The following CSMD1 variants were observed in gnomAD, a reference collection of about 807,000 sequenced individuals.
The protein encoded by CSMD1 is CUB and Sushi multiple domains 1, also known as CUB and sushi domain-containing protein 1.
Under a neutral mutation model 417.5 loss-of-function variants are expected in CSMD1, and 213 were observed. The observed-to-expected ratio is 0.51, with a 90% CI of 0.46 to 0.57. The LOEUF is 0.57. CSMD1 is among the 20% of genes least tolerant of loss of function. The pLI, the probability that CSMD1 is intolerant of heterozygous loss-of-function variation, is 0.00. For missense variants in CSMD1, 6,923 were observed against 4,529.7 expected (o/e 1.53, Z -15.17); for synonymous variants, 2,862 against 1,736.8 (o/e 1.65, Z -16.11).
rs114728997 is a variant in CSMD1 at position 4,086,008 on chromosome 8, G to C, written c.416-53909C>G. ...AACTGTAATTAAAAGAAGGAGCAAG[G>C]ACTAACAAAGGTGTGGTCCTGTTTT... On this transcript the variant is annotated intron_variant, in intron 3 of 69. Transcript: ENST00000635120. Among the ~76,000 whole-genome samples, 638 of 152,158 alleles carry C rather than the reference G, an allele frequency of 4.2e-3. 2 individuals are homozygous for C. Among genetic ancestry groups the C allele is most frequent in the African/African-American group, 0.015 (618 of 41,508 alleles).
At chr8:4,978,641 T>C (rs548084419) in intron 1 of CSMD1, among the ~76,000 whole-genome samples, 21 of 152,130 alleles carry the variant, frequency 1.4e-4, no homozygotes, top group Admixed American at 5.9e-4. Flanking sequence ...AAGTAAGCAG[T>C]TAGAAAAATA....
In CSMD1 at chr8:3,792,821, T is replaced by C. The variant is rs1021909906; in HGVS notation, c.819-38779A>G. ...ATATTGATAATGACAGAGAAACAAC[T>C]ACTCTCTGTATTTGACTTGAAGCAC... On this transcript the variant is annotated intron_variant, in intron 5 of 69. Coordinates refer to ENST00000635120, the MANE Select transcript of CSMD1 (RefSeq NM_033225.6). Among the ~76,000 whole-genome samples, 6 of 152,232 alleles carry C rather than the reference T, an allele frequency of 3.9e-5. 1 individual carries two copies. The highest frequency in any genetic ancestry group is 6.5e-5 in the Admixed American group (1 of 15,286).
intron 3 of CSMD1, among the ~76,000 whole-genome samples, chr8:4,330,040 C>A (rs1799780169): frequency 6.6e-6 from 1 of 152,128 alleles, no homozygotes; most frequent in African/African-American, 2.4e-5. Flanking sequence ...CCAATTAAAC[C>A]TCTTTTCTTC....
At chr8:3,545,616 C>A (rs1199685869) in intron 10 of CSMD1, among the ~76,000 whole-genome samples, 1 of 152,190 alleles carries the variant, frequency 6.6e-6, no homozygotes, top group African/African-American at 2.4e-5. Context: ...ACTGCCGTAA[C>A]CCAAGTTGAG....
At chr8:4,961,048 C>A (rs368237343) in intron 1 of CSMD1, among the ~76,000 whole-genome samples, 7 of 152,118 alleles carry the variant, frequency 4.6e-5, no homozygotes, top group African/African-American at 1.7e-4. Context: ...TCTCACCCTA[C>A]GAAATAGTCA....
At chr8:4,148,866 G>A (rs901531640) in intron 3 of CSMD1, among the ~76,000 whole-genome samples, 2 of 152,290 alleles carry the variant, frequency 1.3e-5, no homozygotes, top group African/African-American at 4.8e-5. Flanking sequence ...ATGGCACATG[G>A]TCGAGAGACA....
intron 5 of CSMD1, among the ~76,000 whole-genome samples, chr8:3,899,749 C>T (rs927153120): frequency 1.3e-5 from 2 of 152,136 alleles, no homozygotes; most frequent in Non-Finnish European, 2.9e-5. Context: ...GTTGGAAGGG[C>T]TGTATGACCA....
chr8:4,890,705 A>T (rs1161343014), intron 1 of CSMD1, among the ~76,000 whole-genome samples: 1 of 151,904 alleles, frequency 6.6e-6, no homozygotes, highest in African/African-American at 2.4e-5. Context: ...TTTGTTCTGC[A>T]TGTTATTAGG....
chr8:3,294,274 A>AC (rs1803798125), intron 25 of CSMD1, among the ~76,000 whole-genome samples: 1 of 151,902 alleles, frequency 6.6e-6, no homozygotes, highest in Admixed American at 6.6e-5. Flanking sequence ...GGGGTCAGGG[A>AC]CCCCCTTGAG....
At chr8:4,020,179 T>G (rs1205538932) in intron 4 of CSMD1, among the ~76,000 whole-genome samples, 5 of 152,288 alleles carry the variant, frequency 3.3e-5, no homozygotes, top group East Asian at 3.9e-4. Context: ...ATTTCTCAAG[T>G]AGGCACTTTT....
intron 6 of CSMD1, among the ~76,000 whole-genome samples, chr8:3,717,036 G>A (rs955916812): frequency 6.6e-6 from 1 of 152,142 alleles, no homozygotes; most frequent in East Asian, 1.9e-4. Context: ...GCTTGAAATG[G>A]TAGAAGCAGG....
At chr8:3,489,073 A>G (rs1585240515) in intron 11 of CSMD1, among the ~76,000 whole-genome samples, 1 of 152,198 alleles carries the variant, frequency 6.6e-6, no homozygotes, top group African/African-American at 2.4e-5. Context: ...ACAAATACAC[A>G]CGTCTGTGCA....
At chr8:4,335,036 G>C (rs559254381) in intron 3 of CSMD1, among the ~76,000 whole-genome samples, 6 of 151,976 alleles carry the variant, frequency 3.9e-5, no homozygotes, top group Non-Finnish European at 7.4e-5. Context: ...TTAGTAGCTG[G>C]GACCACAGAT....
At chr8:3,273,326 C>G (rs1046283327) in intron 26 of CSMD1, among the ~76,000 whole-genome samples, 1 of 151,976 alleles carries the variant, frequency 6.6e-6, no homozygotes, top group Non-Finnish European at 1.5e-5. Context: ...CTGCTGGATT[C>G]GGTTTGCCAG....
At chr8:3,601,459 C>T (rs1801356912) in intron 8 of CSMD1, among the ~76,000 whole-genome samples, 2 of 152,172 alleles carry the variant, frequency 1.3e-5, no homozygotes, top group South Asian at 2.1e-4. Context: ...AGTCACCTAT[C>T]TCTAATCTCA....
chr8:3,679,544 A>G (rs770813405), intron 7 of CSMD1, among the ~76,000 whole-genome samples: 8 of 152,216 alleles, frequency 5.3e-5, no homozygotes, highest in Non-Finnish European at 8.8e-5. Flanking sequence ...GCAAGTCCTT[A>G]GAGACCTACA....
intron 37 of CSMD1, among the ~76,000 whole-genome samples, chr8:3,170,270 T>G (rs910133721): frequency 3.3e-5 from 5 of 152,180 alleles, no homozygotes; most frequent in African/African-American, 1.2e-4. Flanking sequence ...TGCAGTGGTG[T>G]GATCTTGGCT....
intron 3 of CSMD1, among the ~76,000 whole-genome samples, chr8:4,055,925 C>G (rs1798666477): frequency 6.6e-6 from 1 of 151,934 alleles, no homozygotes; most frequent in African/African-American, 2.4e-5. Flanking sequence ...AGCTTTTAAA[C>G]AAAAATATGT....
Position 4,153,989 on chromosome 8 carries a change from C to G in CSMD1, c.416-121890G>C, listed in dbSNP as rs770124391. On this transcript the variant is annotated intron_variant, in intron 3 of 69. Coordinates refer to ENST00000635120, the MANE Select transcript of CSMD1 (RefSeq NM_033225.6). ...CAGCAAATTACTGAGAAGGCAGAAT[C>G]CAATGATAGCTTTCCATCCTCATTT... Among the ~76,000 whole-genome samples the G allele has an allele frequency of 5.3e-5, 8 of 152,304 alleles. No homozygotes were observed. In the East Asian group the frequency reaches 7.7e-4, roughly 15 times the overall value.
Sources: allele counts gnomAD v4.1 joint callset (sites outside exome capture counted in the v4.1 genomes callset), GRCh38; gene constraint gnomAD v4.1.1; transcripts MANE v1.5; gene names NCBI Gene and HGNC (gene_info 2026-07-23, HGNC 2026-07-21).